PYGB: variants seen among roughly 807,000 people sequenced by gnomAD.
PYGB encodes the protein glycogen phosphorylase, brain form.
PYGB carries 82 observed loss-of-function variants against 94.3 expected under a neutral mutation model. The ratio of observed to expected loss-of-function variants is 0.87; its 90% CI spans 0.73 to 1.04. The LOEUF (loss-of-function observed/expected upper bound fraction) is 1.04. Among genes scored for constraint, PYGB ranks in the 50% least tolerant of loss-of-function variants. The pLI is 0.00. For synonymous variants in PYGB, 488 were observed against 479.1 expected (o/e 1.02, Z -0.24); for missense variants, 1,132 against 1,158.2 (o/e 0.98, Z 0.33).
intron 14 of PYGB, 124 bp from the exon 15 acceptor site, chr20:25,288,301 G>A (rs930639358): frequency 9.1e-7 from 1 of 1,099,912 alleles, no homozygotes. Context: ...TGTCTCTGGG[G>A]CTTGAAGTAC....
intron 4 of PYGB, among the ~76,000 whole-genome samples, chr20:25,273,567 G>C (rs573893466): frequency 6.6e-6 from 1 of 152,364 alleles, no homozygotes; most frequent in South Asian, 2.1e-4. Flanking sequence ...TGCTGTACCA[G>C]ATGGAGTTAC....
At chr20:25,271,773 C>T (rs2088270513) in intron 4 of PYGB, among the ~76,000 whole-genome samples, 1 of 152,206 alleles carries the variant, frequency 6.6e-6, no homozygotes, top group South Asian at 2.1e-4. Context: ...TACAGCAGCT[C>T]CCAGACAGGG....
At chr20:25,250,923 G>A (rs1342065496) in intron 1 of PYGB, 1 of 152,202 alleles carries the variant, frequency 6.6e-6, no homozygotes, top group Non-Finnish European at 1.5e-5. Context: ...CCCACTTTGT[G>A]CTGTAAATAT....
At chr20:25,264,499 A>G (rs1449662647) in intron 2 of PYGB, among the ~76,000 whole-genome samples, 2 of 152,222 alleles carry the variant, frequency 1.3e-5, no homozygotes, top group Non-Finnish European at 2.9e-5. Flanking sequence ...CTGTTTGCTG[A>G]TGACATATTT....
chr20:25,265,838 AC>A (rs145728428), intron 2 of PYGB, among the ~76,000 whole-genome samples: 29,547 of 151,744 alleles, frequency 0.19, 3,678 homozygotes, highest in Middle Eastern at 0.29. Flanking sequence ...CTTGTGATCC[AC>A]CCGCCTTGGC....
intron 3 of PYGB, among the ~76,000 whole-genome samples, chr20:25,270,091 G>C (rs1331016264): frequency 6.6e-6 from 1 of 152,154 alleles, no homozygotes; most frequent in Non-Finnish European, 1.5e-5. Context: ...CCTCAGCAGA[G>C]GGCCTGACAG....
At chr20:25,282,462 T>C (rs1300160466) in intron 12 of PYGB, among the ~76,000 whole-genome samples, 1 of 152,244 alleles carries the variant, frequency 6.6e-6, no homozygotes, top group Non-Finnish European at 1.5e-5. Flanking sequence ...GCTGGGCACC[T>C]ATTTCCTGTT....
rs1035628775 is a variant in PYGB at position 25,288,336 on chromosome 20, T to C, written c.1769-89T>C. On this transcript the variant is annotated intron_variant, in intron 14 of 19. Coordinates refer to ENST00000216962, the MANE Select transcript of PYGB (RefSeq NM_002862.4). ...CATGGCGGAGCGTGCCTGTCCTGCCTCAGGGTCGGCCTCTGATGCTGCTGG... is the reference window on the plus strand; with the variant it reads ...CATGGCGGAGCGTGCCTGTCCTGCCCCAGGGTCGGCCTCTGATGCTGCTGG... 4.9e-5 allele frequency: 70 copies of C among 1,439,478 alleles called. 1 individual carries two copies. In the Admixed American group the frequency reaches 1.1e-3, roughly 23 times the overall value. The allele number at this position is 1,439,478 out of a possible 1,614,324, so 89.2% of individuals were successfully genotyped here. A position where few individuals can be genotyped will look rare whatever the true frequency, so the allele number is the denominator to read the frequency against.
At chr20:25,251,986 C>T (rs1170413921) in intron 1 of PYGB, among the ~76,000 whole-genome samples, 2 of 152,176 alleles carry the variant, frequency 1.3e-5, no homozygotes, top group East Asian at 3.8e-4. Flanking sequence ...TCTGTGATCC[C>T]CACTTCTGGG....
chr20:25,285,056 C>T (rs1188092634), intron 14 of PYGB: 6 of 152,336 alleles, frequency 3.9e-5, no homozygotes, highest in South Asian at 4.1e-4. Context: ...AAGCTCCTCC[C>T]GGGAATAGAT....
At chr20:25,254,721 T>C (rs1163114681) in intron 1 of PYGB, among the ~76,000 whole-genome samples, 1 of 152,194 alleles carries the variant, frequency 6.6e-6, no homozygotes, top group Non-Finnish European at 1.5e-5. Context: ...GATCACTTAG[T>C]GTAAGTTGAT....
chr20:25,250,273 A>G (rs1451163600), intron 1 of PYGB, among the ~76,000 whole-genome samples: 1 of 152,194 alleles, frequency 6.6e-6, no homozygotes, highest in Non-Finnish European at 1.5e-5. Flanking sequence ...CCATTGGAGT[A>G]TTTATGTATA....
At chr20:25,253,738 A>G (rs984521419) in intron 1 of PYGB, among the ~76,000 whole-genome samples, 4 of 152,236 alleles carry the variant, frequency 2.6e-5, no homozygotes, top group African/African-American at 7.2e-5. Context: ...AAAAGTTGCA[A>G]GAATAATACA....
intron 9 of PYGB, among the ~76,000 whole-genome samples, chr20:25,279,896 CT>C (rs1600734104): frequency 6.6e-6 from 1 of 152,200 alleles, no homozygotes; most frequent in Non-Finnish European, 1.5e-5. Flanking sequence ...AACCAGTGTC[CT>C]CCCCACCATG....
chr20:25,277,190 C>A, intron 6 of PYGB, 54 bp from the exon 7 acceptor site: 1 of 1,407,596 alleles, frequency 7.1e-7, no homozygotes, highest in Non-Finnish European at 1.0e-6. Flanking sequence ...TGAGCGGTTG[C>A]AGTGCTGGTG....
chr20:25,285,892 C>T (rs2088413951), intron 14 of PYGB, among the ~76,000 whole-genome samples: 1 of 152,212 alleles, frequency 6.6e-6, no homozygotes, highest in Non-Finnish European at 1.5e-5. Context: ...GTGTCTAGTT[C>T]ATGACTGGCT....
intron 18 of PYGB, chr20:25,294,969 T>A: frequency 6.2e-7 from 1 of 1,614,202 alleles, no homozygotes; most frequent in Non-Finnish European, 8.5e-7. Context: ...CCTGTTGGCT[T>A]CAGTCACACC....
intron 16 of PYGB, 152 bp downstream of exon 16, chr20:25,290,774 T>C: frequency 8.9e-7 from 1 of 1,125,468 alleles, no homozygotes; most frequent in South Asian, 1.5e-5. Context: ...GGAACGGCTT[T>C]AGGGAGTGCT....
intron 2 of PYGB, among the ~76,000 whole-genome samples, chr20:25,268,155 G>GCC (rs1287736524): frequency 1.3e-3 from 8 of 6,250 alleles, no homozygotes; most frequent in Admixed American, 4.1e-3. Flanking sequence ...GTAAATCCTA[G>GCC]CACCCGCCCC....
Sources: gnomAD v4.1 joint callset for allele counts (sites outside exome capture counted in the v4.1 genomes callset) on GRCh38, gnomAD v4.1.1 for gene constraint, MANE v1.5 for transcripts, NCBI Gene and HGNC (gene_info 2026-07-23, HGNC 2026-07-21) for gene names.